SETD7: variants seen among roughly 807,000 people sequenced by gnomAD.
SETD7 encodes the protein histone-lysine N-methyltransferase SETD7.
In SETD7, 16 loss-of-function variants were observed where a neutral mutation model predicts 41.8. That is an observed-to-expected ratio of 0.38 (90% CI 0.26 to 0.58). The LOEUF (loss-of-function observed/expected upper bound fraction) is 0.58, where lower values mean the gene tolerates loss of function less well. SETD7 is among the 20% of genes least tolerant of loss of function. SETD7 has a pLI of 0.64. For synonymous variants in SETD7, 163 were observed against 169.7 expected, an observed-to-expected ratio of 0.96 and a Z score of 0.31; for missense variants, 346 against 459.7, an observed-to-expected ratio of 0.75 and a Z score of 2.26.
At chr4:139,502,142 C>G (rs1381969586), downstream of SETD7, among the ~76,000 whole-genome samples, 1 of 152,232 alleles carries the variant, frequency 6.6e-6, no homozygotes, top group Non-Finnish European at 1.5e-5. Context: ...ATTACAATCT[C>G]TCATTCATGC....
downstream of SETD7, among the ~76,000 whole-genome samples, chr4:139,495,527 G>T (rs548917316): frequency 6.6e-6 from 1 of 152,306 alleles, no homozygotes; most frequent in African/African-American, 2.4e-5. Context: ...ACGGCAAAAG[G>T]CAAAGAGGAA....
At chr4:139,528,047 C>A (rs1403434077) in intron 4 of SETD7, among the ~76,000 whole-genome samples, 1 of 152,092 alleles carries the variant, frequency 6.6e-6, no homozygotes, top group African/African-American at 2.4e-5. Context: ...TCCCTATAAC[C>A]AAACCTGGCT....
rs1726825040 is a variant in SETD7 at position 139,509,999 on chromosome 4, G to T, written c.*1664C>A. On this transcript the variant is annotated 3_prime_UTR_variant, in exon 8 of 8. Transcript: ENST00000274031. ...AAGGGAAGGGCAACTCTGTCAATGT[G>T]CCCAAGGGCCACCTGAAATGAAAGT... is the stretch of plus-strand genomic sequence containing the variant. The T allele has an allele frequency of 6.6e-6, 3 of 451,414 alleles. No homozygotes were observed. The highest frequency in any genetic ancestry group is 8.8e-6 in the Non-Finnish European group (3 of 341,786). The allele number at this position is 451,414 out of a possible 1,614,324, so 28.0% of individuals were successfully genotyped here. A position where few individuals can be genotyped will look rare whatever the true frequency, so the allele number is the denominator to read the frequency against.
intron 5 of SETD7, among the ~76,000 whole-genome samples, chr4:139,522,705 C>T (rs915699708): frequency 3.4e-5 from 5 of 148,436 alleles, no homozygotes; most frequent in East Asian, 4.0e-4. Flanking sequence ...CGGGAATGCT[C>T]GGCCAGGACA....
intron 7 of SETD7, among the ~76,000 whole-genome samples, chr4:139,512,792 C>T (rs1726919259): frequency 9.9e-6 from 1 of 101,210 alleles, no homozygotes. Context: ...GAGTCTTGCT[C>T]TGTTGCCCAG....
Position 139,529,031 on chromosome 4 carries a change from T to C in SETD7, c.562A>G (p.Asn188Asp). The C allele has an allele frequency of 6.2e-7, 1 of 1,613,400 alleles. No homozygotes were observed. The highest frequency in any genetic ancestry group is 1.7e-5 in the Admixed American group (1 of 59,758). ...CCCATCTGAAGCAGATTCAACTTAC[T>C]TCCAGGCATCAGTTCAAAGTGAGGC... ...GRPHFELMPGNSVYHFDKSTS... is the reference protein window; with the variant it reads ...GRPHFELMPGDSVYHFDKSTS... Residue 188 changes from asparagine to aspartate, a missense_variant and splice_region_variant, in exon 4 of 8, where the codon AAT becomes GAT. By Grantham distance (23) the Asn-to-Asp change is conservative (BLOSUM62 1). This residue lies in a region of SETD7 where 266 missense variants were observed against 377.0 expected (regional missense o/e 0.71). Transcript: ENST00000274031.
chr4:139,525,273 A>T (rs1727294671), intron 4 of SETD7, among the ~76,000 whole-genome samples: 1 of 151,970 alleles, frequency 6.6e-6, no homozygotes, highest in Admixed American at 6.6e-5. Flanking sequence ...GTGTAGATAC[A>T]ATAAGGATTA....
chr4:139,535,685 C>G (rs778606744), intron 2 of SETD7, among the ~76,000 whole-genome samples: 1 of 152,134 alleles, frequency 6.6e-6, no homozygotes, highest in South Asian at 2.1e-4. Flanking sequence ...CCCTCTTAGC[C>G]CAACTGACTC....
At chr4:139,522,100 G>A (rs146959566) in intron 5 of SETD7, among the ~76,000 whole-genome samples, 19 of 152,278 alleles carry the variant, frequency 1.2e-4, no homozygotes, top group Non-Finnish European at 2.2e-4. Context: ...CTTGTGTTTC[G>A]GAGCTAACAA....
At position 139,511,506 on chromosome 4, in the gene SETD7, T is replaced by C. The variant is rs992364353; in HGVS notation, c.*157A>G. 1 of 1,396,478 alleles carries C rather than the reference T, an allele frequency of 7.2e-7. No homozygotes were observed. The highest frequency in any genetic ancestry group is 9.8e-7 in the Non-Finnish European group (1 of 1,024,446). 86.5% of individuals were successfully genotyped at this position (1,396,478 alleles called of 1,614,324 possible). A position where few individuals can be genotyped will look rare whatever the true frequency, so the allele number is the denominator to read the frequency against. On this transcript the variant is annotated 3_prime_UTR_variant, in exon 8 of 8. Coordinates refer to ENST00000274031, the MANE Select transcript of SETD7 (RefSeq NM_030648.4). ...TTTAAATCTGGTATGAGTAATACAG[T>C]CAAACCTAGTTAGTATGCGAGAAAG...
chr4:139,512,589 C>T (rs745554178), intron 7 of SETD7, among the ~76,000 whole-genome samples: 4 of 152,158 alleles, frequency 2.6e-5, no homozygotes, highest in Admixed American at 2.0e-4. Context: ...ATCTGCACAG[C>T]TCCCTGCAGA....
intron 5 of SETD7, among the ~76,000 whole-genome samples, chr4:139,521,480 G>A (rs1727180125): frequency 6.6e-6 from 1 of 151,942 alleles, no homozygotes; most frequent in South Asian, 2.1e-4. Context: ...TTAACCAGAC[G>A]CTGGGATGGA....
chr4:139,497,274 G>A (rs1726474117), intron 7 of SETD7, among the ~76,000 whole-genome samples: 1 of 152,050 alleles, frequency 6.6e-6, no homozygotes, highest in Non-Finnish European at 1.5e-5. Flanking sequence ...GACTAACATG[G>A]TGAAACCCTG....
chr4:139,528,365 A>G (rs1036017947), intron 4 of SETD7, among the ~76,000 whole-genome samples: 1 of 152,232 alleles, frequency 6.6e-6, no homozygotes, highest in Non-Finnish European at 1.5e-5. Context: ...AATCAACTTT[A>G]CAGTTTAGAG....
chr4:139,517,214 C>T (rs781466272), intron 7 of SETD7, among the ~76,000 whole-genome samples: 3 of 152,158 alleles, frequency 2.0e-5, no homozygotes, highest in Non-Finnish European at 4.4e-5. Flanking sequence ...GTGGCTCACG[C>T]CTGTAATCCC....
At chr4:139,553,945 G>C (rs981372430) in intron 1 of SETD7, among the ~76,000 whole-genome samples, 3 of 152,192 alleles carry the variant, frequency 2.0e-5, no homozygotes, top group African/African-American at 7.2e-5. Context: ...AAGAATGGCT[G>C]GACAAGAGTG....
downstream of SETD7, among the ~76,000 whole-genome samples, chr4:139,501,586 A>G (rs1342714267): frequency 6.7e-6 from 1 of 149,972 alleles, no homozygotes; most frequent in African/African-American, 2.5e-5. Context: ...CTATTGAAAT[A>G]TATTTTTTAA....
downstream of SETD7, among the ~76,000 whole-genome samples, chr4:139,505,390 A>C (rs1296937997): frequency 6.6e-6 from 1 of 152,104 alleles, no homozygotes; most frequent in Non-Finnish European, 1.5e-5. Context: ...GGAGTTCAAG[A>C]CCAGCCTCGC....
chr4:139,541,683 G>A (rs555929532), intron 2 of SETD7, among the ~76,000 whole-genome samples: 18 of 152,236 alleles, frequency 1.2e-4, no homozygotes, highest in African/African-American at 4.3e-4. Context: ...CTTATTTGTA[G>A]GGCAAACCAT....
Sources: allele counts gnomAD v4.1 joint callset (sites outside exome capture counted in the v4.1 genomes callset), GRCh38; gene constraint gnomAD v4.1.1; regional missense constraint gnomAD v4.1.1; transcripts MANE v1.5; gene names NCBI Gene and HGNC (gene_info 2026-07-23, HGNC 2026-07-21).